NEK5: variants seen among roughly 807,000 people sequenced by gnomAD.
The protein encoded by NEK5 is NIMA related kinase 5.
Under a neutral mutation model 109.2 loss-of-function variants are expected in NEK5, and 88 were observed. The observed-to-expected ratio is 0.81, with a 90% CI of 0.68 to 0.96. The LOEUF (loss-of-function observed/expected upper bound fraction) is 0.96, where lower values mean the gene tolerates loss of function less well. Among genes scored for constraint, NEK5 ranks in the 40% least tolerant of loss-of-function variants. NEK5 has a pLI of 0.00. For missense variants in NEK5, 834 were observed against 920.7 expected, an observed-to-expected ratio of 0.91 and a Z score of 1.22; for synonymous variants, 283 against 299.9, an observed-to-expected ratio of 0.94 and a Z score of 0.58.
At chr13:52,098,257 C>T (rs990116791) in intron 12 of NEK5, among the ~76,000 whole-genome samples, 7 of 137,322 alleles carry the variant, frequency 5.1e-5, no homozygotes, top group African/African-American at 1.8e-4. Context: ...GCAGGACCCT[C>T]TTTCAAATAA....
At chr13:52,125,687 G>A (rs1956052710) in intron 3 of NEK5, among the ~76,000 whole-genome samples, 2 of 152,316 alleles carry the variant, frequency 1.3e-5, no homozygotes, top group East Asian at 3.9e-4. Flanking sequence ...GGTAAACACT[G>A]AAGTGGGGCA....
intron 11 of NEK5, 41 bp downstream of exon 11, chr13:52,101,892 T>A (rs553766747): frequency 7.0e-7 from 1 of 1,438,772 alleles, no homozygotes; most frequent in Admixed American, 1.7e-5. Context: ...GTGAGACATG[T>A]GTAATAAATA....
Position 52,036,857 on chromosome 13 carries a change from C to G in NEK5, c.*91G>C. ...ATAAATCCTTGAGATTACTAGAAAA[C>G]CCTTACAGTAAATGAGCATTTATGA... On this transcript the variant is annotated 3_prime_UTR_variant, in exon 24 of 24. Transcript: ENST00000684899. The G allele has an allele frequency of 1.8e-6, 1 of 550,026 alleles. No homozygotes were observed. Among genetic ancestry groups the G allele is most frequent in the Non-Finnish European group, 2.3e-6 (1 of 432,498 alleles). The allele number at this position is 550,026 out of a possible 1,614,324, so 34.1% of individuals were successfully genotyped here.
Position 52,061,043 on chromosome 13 carries a change from T to C in NEK5, c.2110+776A>G, listed in dbSNP as rs559341432. ...CCCAGGCCCCTCAAATTTTAGAAAA[T>C]GATGGTTGGCTTCCCTTAAAGCAGT... On this transcript the variant is annotated intron_variant, in intron 22 of 23. Coordinates refer to ENST00000684899, the MANE Select transcript of NEK5 (RefSeq NM_001365552.1). 4.6e-5 allele frequency among the ~76,000 whole-genome samples: 7 copies of C among 152,074 alleles called. No homozygotes were observed. In the East Asian group the frequency reaches 1.4e-3, roughly 29 times the overall value.
At chr13:52,115,175 G>A (rs1402495746) in intron 4 of NEK5, among the ~76,000 whole-genome samples, 2 of 151,118 alleles carry the variant, frequency 1.3e-5, no homozygotes, top group East Asian at 2.0e-4. Context: ...CACCATGCCC[G>A]GCTAATTTTT....
At chr13:52,048,289 T>A (rs1954475597) in intron 23 of NEK5, among the ~76,000 whole-genome samples, 1 of 151,896 alleles carries the variant, frequency 6.6e-6, no homozygotes, top group Non-Finnish European at 1.5e-5. Context: ...AAAATAAAAT[T>A]AGGCAGGCAC....
chr13:52,123,383 T>G (rs1042930375), intron 3 of NEK5, among the ~76,000 whole-genome samples: 4 of 152,170 alleles, frequency 2.6e-5, no homozygotes, highest in African/African-American at 9.7e-5. Context: ...TATAGTCAAT[T>G]TTTGATTATA....
At chr13:52,046,065 C>T (rs1208175829) in intron 23 of NEK5, among the ~76,000 whole-genome samples, 2 of 111,318 alleles carry the variant, frequency 1.8e-5, no homozygotes, top group Admixed American at 1.0e-4. Context: ...AGCGAGACTC[C>T]ATCTCAAAAA....
chr13:52,082,992 C>A (rs929258538), intron 17 of NEK5, among the ~76,000 whole-genome samples: 5 of 152,078 alleles, frequency 3.3e-5, no homozygotes, highest in African/African-American at 1.2e-4. Context: ...ACTAAAAATA[C>A]AAAAATTAGC....
chr13:52,076,569 AATTTCAAAGG>A (rs765096691), intron 17 of NEK5, among the ~76,000 whole-genome samples: 4 of 152,216 alleles, frequency 2.6e-5, no homozygotes, highest in Non-Finnish European at 5.9e-5. Context: ...GGATGACAAG[AATTTCAAAGG>A]CACAACTGAG....
At chr13:52,052,103 C>G (rs1178246514) in intron 22 of NEK5, among the ~76,000 whole-genome samples, 1 of 150,680 alleles carries the variant, frequency 6.6e-6, no homozygotes, top group Non-Finnish European at 1.5e-5. Flanking sequence ...CCGACCCCAC[C>G]CCCGCCCTGC....
intron 22 of NEK5, among the ~76,000 whole-genome samples, chr13:52,060,901 G>C (rs1473139255): frequency 2.0e-5 from 3 of 151,898 alleles, no homozygotes; most frequent in Non-Finnish European, 2.9e-5. Context: ...TTCTTGCTCT[G>C]TCAGCCAGGC....
intron 23 of NEK5, among the ~76,000 whole-genome samples, chr13:52,043,661 T>G (rs1712123568): frequency 6.6e-6 from 1 of 151,326 alleles, no homozygotes; most frequent in African/African-American, 2.4e-5. Flanking sequence ...ACCCAGATGG[T>G]GAGAAAATGT....
chr13:52,113,786 T>C (rs1022131422), intron 4 of NEK5, among the ~76,000 whole-genome samples: 1 of 152,184 alleles, frequency 6.6e-6, no homozygotes, highest in Non-Finnish European at 1.5e-5. Flanking sequence ...TTAGGAGGTA[T>C]AGGGCTTTTG....
chr13:52,072,165 G>A, intron 19 of NEK5, 95 bp from the exon 20 acceptor site: 3 of 866,478 alleles, frequency 3.5e-6, no homozygotes, highest in Non-Finnish European at 5.3e-6. Flanking sequence ...TAATTAGCAA[G>A]GTATATAGTA....
At chr13:52,080,712 T>A (rs1386571092) in intron 17 of NEK5, among the ~76,000 whole-genome samples, 2 of 151,924 alleles carry the variant, frequency 1.3e-5, no homozygotes, top group Non-Finnish European at 2.9e-5. Context: ...TTAAGAGTCA[T>A]CACCACTCCC....
intron 16 of NEK5, among the ~76,000 whole-genome samples, chr13:52,084,760 A>AGT (rs1487694445): frequency 6.2e-3 from 226 of 36,634 alleles, no homozygotes; most frequent in East Asian, 0.022. Context: ...AGAGAGAGAG[A>AGT]GAGTGTGTGT....
Position 52,127,514 on chromosome 13 carries a change from G to C in NEK5, c.-22-10C>G, listed in dbSNP as rs373522394. ...CAATGGGCTGAGTTTCCTGGAATTA[G>C]AGTAATGTAAATTTATCACACACGT... On this transcript the variant is annotated splice_polypyrimidine_tract_variant and intron_variant, in intron 2 of 23. Transcript: ENST00000684899. The C allele has an allele frequency of 4.4e-6, 5 of 1,148,886 alleles. No homozygotes were observed. Among genetic ancestry groups the C allele is most frequent in the Non-Finnish European group, 6.6e-6 (5 of 759,628 alleles). The allele number at this position is 1,148,886 out of a possible 1,614,324, so 71.2% of individuals were successfully genotyped here. A position where few individuals can be genotyped will look rare whatever the true frequency, so the allele number is the denominator to read the frequency against.
chr13:52,053,525 T>G (rs1402673251), intron 22 of NEK5, among the ~76,000 whole-genome samples: 1 of 152,078 alleles, frequency 6.6e-6, no homozygotes, highest in Non-Finnish European at 1.5e-5. Flanking sequence ...CACCAAGCAC[T>G]CCCTTGCATT....
Sources: allele counts gnomAD v4.1 joint callset (sites outside exome capture counted in the v4.1 genomes callset), GRCh38; gene constraint gnomAD v4.1.1; transcripts MANE v1.5; gene names NCBI Gene and HGNC (gene_info 2026-07-23, HGNC 2026-07-21).